Variants in HOOK3 observed in about 807,000 individuals in gnomAD.
The protein encoded by HOOK3 is hook microtubule tethering protein 3.
Under a neutral mutation model 116.3 loss-of-function variants are expected in HOOK3, and 24 were observed. That is an observed-to-expected ratio of 0.21 (90% CI 0.15 to 0.29). HOOK3 has a LOEUF of 0.29. Ranked by LOEUF, HOOK3 falls within the 10% of genes least tolerant of loss-of-function variation. The pLI, the probability that HOOK3 is intolerant of heterozygous loss-of-function variation, is 1.00. For synonymous variants in HOOK3, 275 were observed against 283.0 expected (o/e 0.97, Z 0.28); for missense variants, 632 against 830.2 (o/e 0.76, Z 2.93).
chr8:42,952,591 G>T (rs1246022223), intron 6 of HOOK3, among the ~76,000 whole-genome samples: 1 of 152,200 alleles, frequency 6.6e-6, no homozygotes, highest in Non-Finnish European at 1.5e-5. Context: ...GGAGTGGCCA[G>T]CTGCCATCTG....
In HOOK3 at chr8:43,030,251, CAT is replaced by C. The variant is rs1810005046; in HGVS notation, c.*11755_*11756del. The C allele has an allele frequency of 5.2e-6, 1 of 193,640 alleles. No individual in the cohort carries two copies. Among genetic ancestry groups the C allele is most frequent in the Non-Finnish European group, 1.1e-5 (1 of 93,002 alleles). 12.0% of individuals were successfully genotyped at this position (193,640 alleles called of 1,614,324 possible). A position where few individuals can be genotyped will look rare whatever the true frequency, so the allele number is the denominator to read the frequency against. ...GAAATTTCAACTAAAATCACAAAAA[CAT>C]AAAGTCCAGGAAACCACCAGAAGAT... On this transcript the variant is annotated 3_prime_UTR_variant, in exon 22 of 22. Coordinates refer to ENST00000307602, the MANE Select transcript of HOOK3 (RefSeq NM_032410.4).
chr8:43,001,191 C>T (rs1809374146), intron 16 of HOOK3: 4 of 151,522 alleles, frequency 2.6e-5, no homozygotes. Context: ...ACATGTGGAT[C>T]TACTGAGGTA....
chr8:42,974,016 TG>T, intron 12 of HOOK3, 90 bp from the exon 13 acceptor site: 2 of 850,332 alleles, frequency 2.4e-6, no homozygotes, highest in Admixed American at 4.1e-5. Context: ...TGTTCACTAT[TG>T]TTTATCATTC....
Position 43,013,164 on chromosome 8 carries a change from C to T in HOOK3, c.1944+9C>T. On this transcript the variant is annotated intron_variant, in intron 20 of 21. Coordinates refer to ENST00000307602, the MANE Select transcript of HOOK3 (RefSeq NM_032410.4). Reference sequence around the variant, plus strand: ...TGTTCCACTCATTAGAGGTAGTTTACTATACTGTACAATAAAATAATTGTG... The same window carrying T: ...TGTTCCACTCATTAGAGGTAGTTTATTATACTGTACAATAAAATAATTGTG... The T allele has an allele frequency of 6.5e-7, 1 of 1,544,646 alleles. No homozygotes were observed. The highest frequency in any genetic ancestry group is 8.8e-7 in the Non-Finnish European group (1 of 1,130,940).
intron 2 of HOOK3, among the ~76,000 whole-genome samples, chr8:42,915,518 A>G (rs1384575408): frequency 6.6e-6 from 1 of 152,044 alleles, no homozygotes; most frequent in Non-Finnish European, 1.5e-5. Context: ...TGCAACCTCC[A>G]CTTTCCAGGT....
chr8:42,907,996 A>C (rs1286204245), intron 2 of HOOK3, among the ~76,000 whole-genome samples: 6 of 152,112 alleles, frequency 3.9e-5, no homozygotes, highest in Non-Finnish European at 7.4e-5. Context: ...ATCAACCTAC[A>C]AAAAATCAGT....
rs1373016982 is a variant in HOOK3 at position 43,021,148 on chromosome 8, C to G, written c.*2650C>G. 6.7e-6 allele frequency: 1 copy of G among 149,510 alleles called. No individual in the cohort carries two copies. Among genetic ancestry groups the G allele is most frequent in the Non-Finnish European group, 1.4e-5 (1 of 70,210 alleles). 9.3% of individuals were successfully genotyped at this position (149,510 alleles called of 1,614,324 possible). A position where few individuals can be genotyped will look rare whatever the true frequency, so the allele number is the denominator to read the frequency against. On this transcript the variant is annotated 3_prime_UTR_variant, in exon 22 of 22. Coordinates refer to ENST00000307602, the MANE Select transcript of HOOK3 (RefSeq NM_032410.4). ...AAAAAAAAAAACAGTCTGTGAACTA[C>G]TCACTGAATGAATTTTGTTCTGTGA...
chr8:43,012,413 A>AT (rs1296500277), intron 19 of HOOK3, among the ~76,000 whole-genome samples: 11 of 152,326 alleles, frequency 7.2e-5, no homozygotes, highest in African/African-American at 2.6e-4. Context: ...GACCACCATC[A>AT]TATATGTGGT....
chr8:42,961,654 G>A (rs1808536284), intron 8 of HOOK3, among the ~76,000 whole-genome samples: 1 of 152,208 alleles, frequency 6.6e-6, no homozygotes, highest in South Asian at 2.1e-4. Context: ...ATTTAGATAT[G>A]TAAAGTGACA....
At chr8:43,008,657 ATTTTTAT>A (rs1809541202) in intron 18 of HOOK3, among the ~76,000 whole-genome samples, 3 of 143,808 alleles carry the variant, frequency 2.1e-5, no homozygotes, top group Non-Finnish European at 4.5e-5. Context: ...TTTTATTTTT[ATTTTTAT>A]TTTTTTTTTT....
At chr8:43,015,905 A>G (rs529705175) in intron 21 of HOOK3, among the ~76,000 whole-genome samples, 1 of 151,076 alleles carries the variant, frequency 6.6e-6, no homozygotes, top group Admixed American at 6.6e-5. Flanking sequence ...TTTAGTAGAG[A>G]CAGGGTTTCA....
At chr8:42,912,401 G>A (rs1270902485) in intron 2 of HOOK3, among the ~76,000 whole-genome samples, 1 of 151,976 alleles carries the variant, frequency 6.6e-6, no homozygotes, top group East Asian at 1.9e-4. Context: ...CTCCTACTTA[G>A]GTTTTTAAAA....
Position 42,897,018 on chromosome 8 carries a change from C to A in HOOK3, c.-114C>A, listed in dbSNP as rs559730060. On this transcript the variant is annotated 5_prime_UTR_variant, in exon 1 of 22. Coordinates refer to ENST00000307602, the MANE Select transcript of HOOK3 (RefSeq NM_032410.4). ...GCTGGGCGAGAGTCGGCGGCCGGATCCGAGGAGCAGGCGGGCCTGAGGCCG... is the reference window on the plus strand; with the variant it reads ...GCTGGGCGAGAGTCGGCGGCCGGATACGAGGAGCAGGCGGGCCTGAGGCCG... The A allele has an allele frequency of 1.4e-6, 1 of 733,644 alleles. No individual in the cohort carries two copies. Among genetic ancestry groups the A allele is most frequent in the Non-Finnish European group, 1.9e-6 (1 of 531,720 alleles). The allele number at this position is 733,644 out of a possible 1,614,324, so 45.4% of individuals were successfully genotyped here. A position where few individuals can be genotyped will look rare whatever the true frequency, so the allele number is the denominator to read the frequency against.
rs746035645 is a variant in HOOK3 at position 42,905,325 on chromosome 8, T to TTGG, written c.58-848_58-847insTGG. Among the ~76,000 whole-genome samples, 485 of 99,118 alleles carry TTGG rather than the reference T, an allele frequency of 4.9e-3. 35 individuals carry two copies. The highest frequency in any genetic ancestry group is 0.022 in the African/African-American group (475 of 21,408). 65.0% of individuals were successfully genotyped at this position (99,118 alleles called of 152,430 possible). A position where few individuals can be genotyped will look rare whatever the true frequency, so the allele number is the denominator to read the frequency against. ...TTTTTTTTTTTCCTGTTTCTTTTTTTGGGGGGGGGGGTGCCGTGGTGGAGG... is the reference window on the plus strand; with the variant it reads ...TTTTTTTTTTTCCTGTTTCTTTTTTTTGGGGGGGGGGGGGTGCCGTGGTGGAGG... On this transcript the variant is annotated intron_variant, in intron 1 of 21. Coordinates refer to ENST00000307602, the MANE Select transcript of HOOK3 (RefSeq NM_032410.4).
At chr8:42,960,521 T>C (rs1029506829) in intron 8 of HOOK3, among the ~76,000 whole-genome samples, 2 of 152,194 alleles carry the variant, frequency 1.3e-5, no homozygotes, top group African/African-American at 4.8e-5. Context: ...AGAAACACTA[T>C]TGTAAAAGTT....
At chr8:43,014,774 CTG>C (rs1809679206) in intron 21 of HOOK3, among the ~76,000 whole-genome samples, 1 of 152,170 alleles carries the variant, frequency 6.6e-6, no homozygotes, top group African/African-American at 2.4e-5. Flanking sequence ...CCTCTGAACA[CTG>C]TGATTTGATC....
chr8:42,905,499 G>A (rs1401250499), intron 1 of HOOK3, among the ~76,000 whole-genome samples: 1 of 152,024 alleles, frequency 6.6e-6, no homozygotes, highest in African/African-American at 2.4e-5. Context: ...TTTCCCAGAA[G>A]CATCTCCTTA....
intron 1 of HOOK3, among the ~76,000 whole-genome samples, chr8:42,902,233 T>G (rs1478968731): frequency 6.6e-6 from 1 of 151,626 alleles, no homozygotes; most frequent in Non-Finnish European, 1.5e-5. Flanking sequence ...AGATTCTGAT[T>G]CAGTAGGGGG....
intron 2 of HOOK3, among the ~76,000 whole-genome samples, chr8:42,919,578 T>A (rs1015411435): frequency 6.6e-6 from 1 of 152,082 alleles, no homozygotes; most frequent in Non-Finnish European, 1.5e-5. Context: ...GCATTTTGGG[T>A]GGCCAAGGCA....
Sources: allele counts gnomAD v4.1 joint callset (sites outside exome capture counted in the v4.1 genomes callset), GRCh38; gene constraint gnomAD v4.1.1; transcripts MANE v1.5; gene names NCBI Gene and HGNC (gene_info 2026-07-23, HGNC 2026-07-21).